Variants in PHACTR1 observed in about 807,000 individuals in gnomAD.
PHACTR1 encodes phosphatase and actin regulator 1.
In PHACTR1, 16 loss-of-function variants were observed where a neutral mutation model predicts 69.2. The ratio of observed to expected loss-of-function variants is 0.23; its 90% CI spans 0.16 to 0.35. PHACTR1 has a LOEUF of 0.35. Among genes scored for constraint, PHACTR1 ranks in the 10% least tolerant of loss-of-function variants. The pLI is 1.00. For missense variants in PHACTR1, 510 were observed against 734.7 expected, an observed-to-expected ratio of 0.69 and a Z score of 3.54; for synonymous variants, 312 against 284.5, an observed-to-expected ratio of 1.10 and a Z score of -0.97.
rs571890460 is a variant in PHACTR1 at position 13,149,786 on chromosome 6, C to G, written c.416-10418C>G. Among the ~76,000 whole-genome samples, 5 of 151,888 alleles carry G rather than the reference C, an allele frequency of 3.3e-5. No homozygotes were observed. The South Asian group carries it at 6.2e-4, about 19-fold the overall frequency. On this transcript the variant is annotated intron_variant, in intron 5 of 14. Coordinates refer to ENST00000332995, the MANE Select transcript of PHACTR1 (RefSeq NM_030948.6). ...AGACAGCTTTGAATGCAGTCCAACACAAATTCGTAAACTTTCTTAAAAAGT... is the reference window on the plus strand; with the variant it reads ...AGACAGCTTTGAATGCAGTCCAACAGAAATTCGTAAACTTTCTTAAAAAGT...
intron 10 of PHACTR1, among the ~76,000 whole-genome samples, chr6:13,231,095 G>GA (rs1224498432): frequency 0.26 from 15,505 of 60,136 alleles, 5,311 homozygotes; most frequent in Non-Finnish European, 0.37. Flanking sequence ...AAGAAGGAAG[G>GA]AAGGGAAAAG....
Position 12,871,519 on chromosome 6 carries a change from T to A in PHACTR1, c.250+121729T>A, listed in dbSNP as rs575994043. On this transcript the variant is annotated intron_variant, in intron 4 of 14. Coordinates refer to ENST00000332995, the MANE Select transcript of PHACTR1 (RefSeq NM_030948.6). ...CCTTTAATCTGCAGCATTTCCTGCA[T>A]TCTAGATTTAGCTTGTTTCATCCCC... Among the ~76,000 whole-genome samples the A allele has an allele frequency of 1.1e-4, 16 of 152,322 alleles. No homozygotes were observed. The South Asian group carries it at 3.3e-3, about 32-fold the overall frequency.
intron 4 of PHACTR1, among the ~76,000 whole-genome samples, chr6:13,000,442 G>A (rs1043962409): frequency 6.6e-6 from 1 of 152,084 alleles, no homozygotes. Context: ...CAGCTACACA[G>A]GAGGCTGAGG....
At chr6:13,133,393 G>A (rs1820861622) in intron 5 of PHACTR1, among the ~76,000 whole-genome samples, 1 of 151,484 alleles carries the variant, frequency 6.6e-6, no homozygotes, top group African/African-American at 2.4e-5. Context: ...CACCCTCCCT[G>A]TCTGATTCTC....
chr6:13,016,374 C>A (rs578124712), intron 4 of PHACTR1, among the ~76,000 whole-genome samples: 68 of 152,260 alleles, frequency 4.5e-4, no homozygotes, highest in African/African-American at 1.5e-3. Context: ...CTTGGTGGCA[C>A]CCACAGAAAA....
intron 4 of PHACTR1, among the ~76,000 whole-genome samples, chr6:12,763,212 CAAA>C (rs1768224546): frequency 9.0e-6 from 1 of 111,392 alleles, no homozygotes; most frequent in African/African-American, 3.7e-5. Flanking sequence ...AACTCCGTCT[CAAA>C]AACAACAACA....
intron 4 of PHACTR1, among the ~76,000 whole-genome samples, chr6:12,898,956 G>A (rs1784942899): frequency 6.6e-6 from 1 of 152,094 alleles, no homozygotes; most frequent in African/African-American, 2.4e-5. Flanking sequence ...GTTCCCCTGG[G>A]CCTGTCTGAA....
At chr6:13,189,461 C>G (rs1297045684) in intron 7 of PHACTR1, among the ~76,000 whole-genome samples, 2 of 150,480 alleles carry the variant, frequency 1.3e-5, no homozygotes, top group South Asian at 2.2e-4. Flanking sequence ...TGCAGTAGCA[C>G]AATCACGGCT....
chr6:13,277,251 C>T (rs776386973), intron 11 of PHACTR1, among the ~76,000 whole-genome samples: 3 of 152,190 alleles, frequency 2.0e-5, no homozygotes, highest in Non-Finnish European at 4.4e-5. Context: ...ATTTAAAAAT[C>T]TGATGAGTAA....
At chr6:13,058,285 G>A (rs960614128) in intron 5 of PHACTR1, among the ~76,000 whole-genome samples, 2 of 152,218 alleles carry the variant, frequency 1.3e-5, no homozygotes, top group Non-Finnish European at 2.9e-5. Context: ...GGCAGAAACT[G>A]TGAAGACACC....
intron 4 of PHACTR1, among the ~76,000 whole-genome samples, chr6:12,835,946 T>C (rs1340094839): frequency 6.6e-6 from 1 of 152,164 alleles, no homozygotes; most frequent in Non-Finnish European, 1.5e-5. Context: ...AGCACAAAGT[T>C]TTAAATTTTT....
intron 4 of PHACTR1, among the ~76,000 whole-genome samples, chr6:13,019,075 T>C (rs1170884075): frequency 7.4e-6 from 1 of 135,824 alleles, no homozygotes; most frequent in Non-Finnish European, 1.6e-5. Flanking sequence ...TATATATATA[T>C]TTTTTCTTTT....
intron 7 of PHACTR1, among the ~76,000 whole-genome samples, chr6:13,191,737 C>G (rs745544944): frequency 6.6e-6 from 1 of 151,858 alleles, no homozygotes; most frequent in Non-Finnish European, 1.5e-5. Context: ...CCAGGAGGGA[C>G]AGTCTCCCCA....
chr6:12,964,398 A>T lies in PHACTR1; in HGVS notation c.251-88967A>T, dbSNP rs534413751. On this transcript the variant is annotated intron_variant, in intron 4 of 14. Coordinates refer to ENST00000332995, the MANE Select transcript of PHACTR1 (RefSeq NM_030948.6). Reference sequence around the variant, plus strand: ...AAGGCTTTAGAGATGTTTTTAACCTAAGAGTCTTGAGAGCTGAATAGGTAT... The same window carrying T: ...AAGGCTTTAGAGATGTTTTTAACCTTAGAGTCTTGAGAGCTGAATAGGTAT... Among the ~76,000 whole-genome samples the T allele has an allele frequency of 3.3e-5, 5 of 152,312 alleles. No homozygotes were observed. In the South Asian group the frequency reaches 1.0e-3, roughly 32 times the overall value.
chr6:13,278,408 G>T (rs1779402948), intron 12 of PHACTR1, 79 bp downstream of exon 12: 2 of 1,366,312 alleles, frequency 1.5e-6, no homozygotes, highest in Admixed American at 2.0e-5. Flanking sequence ...GCTGGCCTCA[G>T]TGGCCTCACC....
intron 3 of PHACTR1, among the ~76,000 whole-genome samples, chr6:12,744,188 G>T (rs955012251): frequency 2.0e-5 from 3 of 151,742 alleles, no homozygotes; most frequent in Non-Finnish European, 4.4e-5. Context: ...TTTCCCAAGG[G>T]GCTTTTATTG....
intron 4 of PHACTR1, among the ~76,000 whole-genome samples, chr6:12,810,258 G>A (rs1365262814): frequency 6.6e-6 from 1 of 152,138 alleles, no homozygotes; most frequent in African/African-American, 2.4e-5. Flanking sequence ...AGAGACAAAG[G>A]GGCCAAAATT....
chr6:13,171,610 CTGAT>C (rs1330643770), intron 6 of PHACTR1, among the ~76,000 whole-genome samples: 1 of 152,176 alleles, frequency 6.6e-6, no homozygotes, highest in East Asian at 1.9e-4. Context: ...TGTGGTTACT[CTGAT>C]TGAGGAACTG....
At chr6:12,872,041 T>G (rs1369041933) in intron 4 of PHACTR1, among the ~76,000 whole-genome samples, 1 of 152,170 alleles carries the variant, frequency 6.6e-6, no homozygotes, top group African/African-American at 2.4e-5. Flanking sequence ...TTTATTTATT[T>G]GTTTAGTTAT....
Sources: allele counts gnomAD v4.1 joint callset (sites outside exome capture counted in the v4.1 genomes callset), GRCh38; gene constraint gnomAD v4.1.1; transcripts MANE v1.5; gene names NCBI Gene and HGNC (gene_info 2026-07-23, HGNC 2026-07-21).